Variants in ULK2 observed in about 807,000 individuals in gnomAD.
ULK2 encodes the protein unc-51 like autophagy activating kinase 2.
ULK2 carries 76 observed loss-of-function variants against 127.5 expected under a neutral mutation model. The observed-to-expected ratio is 0.60, with a 90% CI of 0.50 to 0.72. ULK2 has a LOEUF of 0.72. Ranked by LOEUF, ULK2 falls within the 30% of genes least tolerant of loss-of-function variation. ULK2 has a pLI of 0.00. For missense variants in ULK2, 1,144 were observed against 1,295.9 expected, an observed-to-expected ratio of 0.88 and a Z score of 1.80; for synonymous variants, 452 against 461.9, an observed-to-expected ratio of 0.98 and a Z score of 0.28.
At chr17:19,812,971 T>C (rs1393577009) in intron 13 of ULK2, among the ~76,000 whole-genome samples, 1 of 152,166 alleles carries the variant, frequency 6.6e-6, no homozygotes, top group Non-Finnish European at 1.5e-5. Context: ...GTCTCTGAAC[T>C]GCAGAACAGC....
chr17:19,826,080 A>C, intron 11 of ULK2, 59 bp downstream of exon 11: 1 of 969,974 alleles, frequency 1.0e-6, no homozygotes, highest in Non-Finnish European at 1.4e-6. Context: ...AAAAATCATT[A>C]ATTTTTCCTA....
At chr17:19,865,703 C>T (rs756586259) in intron 2 of ULK2, 33 bp downstream of exon 2, 3 of 1,272,420 alleles carry the variant, frequency 2.4e-6, no homozygotes, top group African/African-American at 1.6e-5. Flanking sequence ...AAGTTTTAAC[C>T]TTATATGAAT....
intron 9 of ULK2, among the ~76,000 whole-genome samples, chr17:19,840,694 T>C (rs1436981959): frequency 6.8e-6 from 1 of 146,170 alleles, no homozygotes; most frequent in Non-Finnish European, 1.5e-5. Flanking sequence ...CTGGCCAACA[T>C]GGTGAAACTC....
intron 10 of ULK2, among the ~76,000 whole-genome samples, chr17:19,834,996 C>T (rs1327195433): frequency 6.6e-6 from 1 of 151,830 alleles, no homozygotes; most frequent in African/African-American, 2.4e-5. Flanking sequence ...AGAGGTAAGA[C>T]TGTATAAAGC....
intron 16 of ULK2, 44 bp from the exon 17 acceptor site, chr17:19,799,619 G>A (rs200198785): frequency 2.2e-5 from 31 of 1,435,754 alleles, no homozygotes; most frequent in Non-Finnish European, 2.1e-5. Flanking sequence ...GAAGAAAAAT[G>A]ATCAAAAACC....
intron 3 of ULK2, among the ~76,000 whole-genome samples, chr17:19,863,193 C>T (rs949881433): frequency 1.1e-4 from 16 of 149,982 alleles, no homozygotes; most frequent in African/African-American, 3.0e-4. Flanking sequence ...CCAGCCTGGG[C>T]GACAAGAGTG....
At chr17:19,852,059 A>T (rs1365578127) in intron 3 of ULK2, among the ~76,000 whole-genome samples, 1 of 150,904 alleles carries the variant, frequency 6.6e-6, no homozygotes, top group Non-Finnish European at 1.5e-5. Flanking sequence ...AAAAAAAAAA[A>T]AAAAAAAATA....
chr17:19,790,218 A>G (rs1287853682), intron 20 of ULK2, among the ~76,000 whole-genome samples: 2 of 152,172 alleles, frequency 1.3e-5, no homozygotes, highest in Admixed American at 6.5e-5. Flanking sequence ...GGAGTTCGAG[A>G]CTATCCTGGC....
At chr17:19,778,257 G>A (rs2086849425) in intron 25 of ULK2, among the ~76,000 whole-genome samples, 2 of 152,218 alleles carry the variant, frequency 1.3e-5, no homozygotes, top group African/African-American at 2.4e-5. Context: ...ATACAGTCCT[G>A]CAAAAAATGC....
chr17:19,852,299 A>G (rs2042034502), intron 3 of ULK2, among the ~76,000 whole-genome samples: 1 of 151,910 alleles, frequency 6.6e-6, no homozygotes. Flanking sequence ...AGACAGGCGG[A>G]TCACAAGGTC....
At chr17:19,841,841 A>G (rs1037785232) in intron 8 of ULK2, among the ~76,000 whole-genome samples, 3 of 152,208 alleles carry the variant, frequency 2.0e-5, no homozygotes, top group African/African-American at 7.2e-5. Context: ...AAAATTCTGT[A>G]CATCTGAGTA....
intron 21 of ULK2, 94 bp downstream of exon 21, chr17:19,785,843 A>C: frequency 6.9e-7 from 1 of 1,441,774 alleles, no homozygotes; most frequent in Non-Finnish European, 9.2e-7. Context: ...CCAGAGAATT[A>C]AGTGACTTGT....
rs576004028 is a variant in ULK2, at chr17:19,867,195, G to C, written c.90+133C>G. 13 of 642,236 alleles carry C rather than the reference G, an allele frequency of 2.0e-5. No homozygotes were observed. In the South Asian group the frequency reaches 2.9e-4, roughly 14 times the overall value. 39.8% of individuals were successfully genotyped at this position (642,236 alleles called of 1,614,324 possible). ...CAGGACCAAAACAAACGGCGAGACG[G>C]GCTGCGCGCACAATAGCATACCCGG... On this transcript the variant is annotated intron_variant, in intron 1 of 26. Coordinates refer to ENST00000395544, the MANE Select transcript of ULK2 (RefSeq NM_014683.4).
chr17:19,777,229 C>G (rs563359358), intron 26 of ULK2, among the ~76,000 whole-genome samples: 1 of 152,150 alleles, frequency 6.6e-6, no homozygotes, highest in African/African-American at 2.4e-5. Context: ...CTCAGCCTCC[C>G]GAGCAGTGGA....
intron 20 of ULK2, among the ~76,000 whole-genome samples, chr17:19,787,691 CA>C (rs2087063881): frequency 6.6e-6 from 1 of 152,158 alleles, no homozygotes; most frequent in African/African-American, 2.4e-5. Flanking sequence ...AAGGCTCCAC[CA>C]ATTGTACAAC....
Position 19,772,038 on chromosome 17 carries a change from G to A in ULK2, c.*4311C>T, listed in dbSNP as rs550890895. 3.9e-5 allele frequency: 6 copies of A among 152,450 alleles called. No individual in the cohort carries two copies. Among genetic ancestry groups the A allele is most frequent in the South Asian group, 2.1e-4 (1 of 4,822 alleles). 9.4% of individuals were successfully genotyped at this position (152,450 alleles called of 1,614,324 possible). On this transcript the variant is annotated 3_prime_UTR_variant, in exon 27 of 27. Transcript: ENST00000395544. ...CCCACCTGTTCAGAGCAACAGGCAC[G>A]GCTTCACTCGGGACCACATGTGCCC... is the stretch of plus-strand genomic sequence containing the variant.
At chr17:19,818,183 C>T (rs1230773902) in intron 12 of ULK2, among the ~76,000 whole-genome samples, 1 of 152,034 alleles carries the variant, frequency 6.6e-6, no homozygotes, top group African/African-American at 2.4e-5. Context: ...ATTAGCCGGG[C>T]ATGACGGCGG....
rs763078178 is a variant in ULK2, at chr17:19,797,404, G to A, written c.1801C>T (p.Pro601Ser). Reference protein sequence around the residue: ...KTPLPTIIGSPTKTTAPFKIP... With the variant: ...KTPLPTIIGSSTKTTAPFKIP... Reference sequence around the variant, plus strand: ...GGGTTTAATAAACAAACCTTAGTAGGAGAGCCAATGATTGTTGGCAAAGGA... The same window carrying A: ...GGGTTTAATAAACAAACCTTAGTAGAAGAGCCAATGATTGTTGGCAAAGGA... The change falls in exon 18 of 27, where the codon CCT (proline) becomes TCT (serine). Residue 601 changes from proline (P) to serine (S), a missense_variant. Pro to Ser is a moderately conservative substitution (Grantham distance 74). Coordinates refer to ENST00000395544, the MANE Select transcript of ULK2 (RefSeq NM_014683.4). 6.2e-7 allele frequency: 1 copy of A among 1,612,624 alleles called. No individual in the cohort carries two copies. Among genetic ancestry groups the A allele is most frequent in the Non-Finnish European group, 8.5e-7 (1 of 1,179,424 alleles).
At position 19,842,191 on chromosome 17, in the gene ULK2, T is replaced by TG. The variant is rs1491582797; in HGVS notation, c.646-645_646-644insC. On this transcript the variant is annotated intron_variant, in intron 8 of 26. Coordinates refer to ENST00000395544, the MANE Select transcript of ULK2 (RefSeq NM_014683.4). ...GGCTGTGTCACTAATTTTCTTTTTCTTTTTTTTTTTTTTTTTTTTTTTTGA... is the reference window on the plus strand; with the variant it reads ...GGCTGTGTCACTAATTTTCTTTTTCTGTTTTTTTTTTTTTTTTTTTTTTTGA... Among the ~76,000 whole-genome samples the TG allele has an allele frequency of 5.9e-3, 647 of 110,482 alleles. 9 individuals are homozygous for TG. Among genetic ancestry groups the TG allele is most frequent in the African/African-American group, 0.028 (610 of 21,852 alleles). 72.5% of individuals were successfully genotyped at this position (110,482 alleles called of 152,430 possible).
Sources: gnomAD v4.1 joint callset for allele counts (sites outside exome capture counted in the v4.1 genomes callset) on GRCh38, gnomAD v4.1.1 for gene constraint, MANE v1.5 for transcripts, NCBI Gene and HGNC (gene_info 2026-07-23, HGNC 2026-07-21) for gene names.